The following STRN3 variants were observed in gnomAD, a reference collection of about 807,000 sequenced individuals.
The protein encoded by STRN3 is striatin 3, also known as striatin-3.
Under a neutral mutation model 95.6 loss-of-function variants are expected in STRN3, and 29 were observed. That is an observed-to-expected ratio of 0.30 (90% CI 0.23 to 0.41). The LOEUF is 0.41. Ranked by LOEUF, STRN3 falls within the 10% of genes least tolerant of loss-of-function variation. The pLI, the probability that STRN3 is intolerant of heterozygous loss-of-function variation, is 1.00. For missense variants in STRN3, 890 were observed against 972.1 expected (o/e 0.92, Z 1.12); for synonymous variants, 331 against 357.6 (o/e 0.93, Z 0.84).
intron 15 of STRN3, among the ~76,000 whole-genome samples, chr14:30,903,506 C>T (rs546120819): frequency 6.6e-6 from 1 of 152,254 alleles, no homozygotes; most frequent in African/African-American, 2.4e-5. Flanking sequence ...AGCTCAAGGG[C>T]TTCTCCTGCT....
At chr14:30,935,756 A>G (rs1252822373) in intron 6 of STRN3, among the ~76,000 whole-genome samples, 1 of 152,226 alleles carries the variant, frequency 6.6e-6, no homozygotes, top group African/African-American at 2.4e-5. Flanking sequence ...AAAAAAATTA[A>G]AAGGATCAAA....
At chr14:30,972,645 TAAAA>T (rs959248618) in intron 1 of STRN3, among the ~76,000 whole-genome samples, 2 of 142,520 alleles carry the variant, frequency 1.4e-5, no homozygotes, top group African/African-American at 5.1e-5. Flanking sequence ...TACAAAAAAT[TAAAA>T]AAAAAAAAAT....
At chr14:30,979,552 C>T (rs965037434) in intron 1 of STRN3, among the ~76,000 whole-genome samples, 2 of 152,022 alleles carry the variant, frequency 1.3e-5, no homozygotes, top group Admixed American at 6.5e-5. Context: ...GCTTTTCTTC[C>T]TTTGAATACA....
intron 1 of STRN3, among the ~76,000 whole-genome samples, chr14:31,024,302 A>G (rs1271451745): frequency 6.6e-6 from 1 of 151,842 alleles, no homozygotes; most frequent in African/African-American, 2.4e-5. Context: ...GCATTTGTCA[A>G]TCCAAATTTT....
chr14:30,924,383 G>C (rs1423462739), intron 8 of STRN3, among the ~76,000 whole-genome samples: 1 of 139,464 alleles, frequency 7.2e-6, no homozygotes, highest in Non-Finnish European at 1.5e-5. Flanking sequence ...CGTCTCCTGG[G>C]TTCAAGCGAT....
At position 31,013,889 on chromosome 14, in the gene STRN3, T is replaced by C. The variant is rs1444120659; in HGVS notation, c.282+12015A>G. 1.9e-3 allele frequency among the ~76,000 whole-genome samples: 271 copies of C among 141,966 alleles called. 1 individual carries two copies. Among genetic ancestry groups the C allele is most frequent in the Middle Eastern group, 0.011 (3 of 276 alleles). The allele number at this position is 141,966 out of a possible 152,430, so 93.1% of individuals were successfully genotyped here. On this transcript the variant is annotated intron_variant, in intron 1 of 17. Coordinates refer to ENST00000357479, the MANE Select transcript of STRN3 (RefSeq NM_001083893.2). Reference sequence around the variant, plus strand: ...TTATTATTATTATTATTATTATTATTATTATTATTATTATTATTATTATTA... The same window carrying C: ...TTATTATTATTATTATTATTATTATCATTATTATTATTATTATTATTATTA...
At chr14:30,992,182 G>A (rs893740384) in intron 1 of STRN3, among the ~76,000 whole-genome samples, 1 of 151,960 alleles carries the variant, frequency 6.6e-6, no homozygotes, top group Non-Finnish European at 1.5e-5. Flanking sequence ...GGCTGAGGCG[G>A]GCGGATCACC....
intron 8 of STRN3, among the ~76,000 whole-genome samples, chr14:30,924,889 G>A (rs551280570): frequency 1.1e-4 from 16 of 152,254 alleles, no homozygotes; most frequent in African/African-American, 3.9e-4. Flanking sequence ...AAAGGGAAAA[G>A]CAAGTGTGGT....
At chr14:30,955,545 G>T in intron 3 of STRN3, 75 bp downstream of exon 3, 4 of 1,258,964 alleles carry the variant, frequency 3.2e-6, no homozygotes, top group Non-Finnish European at 4.4e-6. Flanking sequence ...AAACCAAAAT[G>T]CGGGTAAAGA....
intron 1 of STRN3, chr14:31,014,730 T>G (rs749931520): frequency 2.2e-6 from 1 of 448,198 alleles, no homozygotes; most frequent in Non-Finnish European, 4.5e-6. Context: ...TGGTACTACC[T>G]TGAAACAGCA....
chr14:31,005,710 C>CA (rs1350144666), intron 1 of STRN3, among the ~76,000 whole-genome samples: 1 of 152,210 alleles, frequency 6.6e-6, no homozygotes, highest in Non-Finnish European at 1.5e-5. Flanking sequence ...AGGCTCTACT[C>CA]AAAATACAAG....
At chr14:30,963,983 G>A (rs956429489) in intron 1 of STRN3, among the ~76,000 whole-genome samples, 2 of 152,290 alleles carry the variant, frequency 1.3e-5, no homozygotes, top group African/African-American at 4.8e-5. Context: ...CAGGTGCGAT[G>A]GCTCATGCCT....
At chr14:30,946,940 T>C (rs898338184) in intron 5 of STRN3, 150 bp downstream of exon 5, 22 of 469,306 alleles carry the variant, frequency 4.7e-5, no homozygotes, top group Non-Finnish European at 7.0e-5. Context: ...GATCGTACCA[T>C]TGCACTCCAG....
At chr14:30,920,292 G>A (rs1231175383) in intron 8 of STRN3, among the ~76,000 whole-genome samples, 1 of 151,986 alleles carries the variant, frequency 6.6e-6, no homozygotes, top group Non-Finnish European at 1.5e-5. Context: ...AATATGTTAC[G>A]TAGTCTGAAT....
intron 1 of STRN3, among the ~76,000 whole-genome samples, chr14:30,957,534 A>C (rs970716434): frequency 6.6e-6 from 1 of 152,042 alleles, no homozygotes; most frequent in African/African-American, 2.4e-5. Context: ...ATTCCATTTT[A>C]ATTCTTGAAA....
intron 9 of STRN3, among the ~76,000 whole-genome samples, chr14:30,914,374 A>G (rs1208308379): frequency 6.6e-6 from 1 of 152,006 alleles, no homozygotes; most frequent in Non-Finnish European, 1.5e-5. Context: ...TTATTTAGAG[A>G]CACAGTCTTG....
intron 1 of STRN3, among the ~76,000 whole-genome samples, chr14:31,001,173 A>G (rs555963981): frequency 1.3e-5 from 2 of 152,330 alleles, no homozygotes; most frequent in Admixed American, 6.5e-5. Context: ...ATATCATATG[A>G]AACTGTCCAC....
chr14:31,005,076 A>G (rs769003928), intron 1 of STRN3, among the ~76,000 whole-genome samples: 9 of 152,098 alleles, frequency 5.9e-5, no homozygotes, highest in South Asian at 2.1e-4. Flanking sequence ...GCTCACCCCT[A>G]TAATCCTAGC....
chr14:31,011,956 C>T (rs1311509622), intron 1 of STRN3, among the ~76,000 whole-genome samples: 3 of 152,150 alleles, frequency 2.0e-5, no homozygotes, highest in Non-Finnish European at 4.4e-5. Context: ...GTGGCAGGCG[C>T]CTGTAATCCC....
Sources: allele counts gnomAD v4.1 joint callset (sites outside exome capture counted in the v4.1 genomes callset), GRCh38; gene constraint gnomAD v4.1.1; transcripts MANE v1.5; gene names NCBI Gene and HGNC (gene_info 2026-07-23, HGNC 2026-07-21).